Variants in SIPA1L2 observed in about 807,000 individuals in gnomAD.
SIPA1L2 encodes signal induced proliferation associated 1 like 2, also known as signal-induced proliferation-associated 1-like protein 2.
In SIPA1L2, 56 loss-of-function variants were observed where a neutral mutation model predicts 163.9. The ratio of observed to expected loss-of-function variants is 0.34; its 90% CI spans 0.28 to 0.43. SIPA1L2 has a LOEUF of 0.43. SIPA1L2 is among the 20% of genes least tolerant of loss of function. The pLI is 1.00. For missense variants in SIPA1L2, 1,974 were observed against 2,193.5 expected (o/e 0.90, Z 2.00); for synonymous variants, 877 against 865.7 (o/e 1.01, Z -0.23).
At chr1:232,485,659 T>C (rs553044323) in intron 5 of SIPA1L2, among the ~76,000 whole-genome samples, 1 of 152,334 alleles carries the variant, frequency 6.6e-6, no homozygotes, top group Admixed American at 6.5e-5. Context: ...CACCAATTAT[T>C]ACACAGATGT....
intron 1 of SIPA1L2, among the ~76,000 whole-genome samples, chr1:232,575,161 G>A (rs1048744768): frequency 6.6e-6 from 1 of 152,186 alleles, no homozygotes; most frequent in African/African-American, 2.4e-5. Context: ...ACAATGTGGA[G>A]TATACACTTC....
At chr1:232,618,583 G>A (rs1451720467) in intron 1 of SIPA1L2, among the ~76,000 whole-genome samples, 1 of 151,084 alleles carries the variant, frequency 6.6e-6, no homozygotes, top group African/African-American at 2.4e-5. Flanking sequence ...CAACCCAAGA[G>A]TCGGAGGTTG....
intron 7 of SIPA1L2, among the ~76,000 whole-genome samples, chr1:232,474,861 C>G (rs1664962318): frequency 6.6e-6 from 1 of 152,026 alleles, no homozygotes. Flanking sequence ...AAAATGAAAG[C>G]TGAATTAGAC....
chr1:232,610,299 G>C (rs1402734140), intron 1 of SIPA1L2, among the ~76,000 whole-genome samples: 1 of 152,122 alleles, frequency 6.6e-6, no homozygotes, highest in East Asian at 1.9e-4. Context: ...CCACAGAGAA[G>C]GGCTGTGCTA....
chr1:232,462,331 G>A (rs1664283953), intron 9 of SIPA1L2: 1 of 1,542,420 alleles, frequency 6.5e-7, no homozygotes, highest in Admixed American at 2.0e-5. Context: ...GGCAATGTAT[G>A]AAGTTTCAGT....
At chr1:232,613,264 G>A (rs1176915035) in intron 1 of SIPA1L2, among the ~76,000 whole-genome samples, 2 of 152,186 alleles carry the variant, frequency 1.3e-5, no homozygotes, top group Admixed American at 1.3e-4. Flanking sequence ...TTTTGAGTAG[G>A]TGGAAAAGTG....
At chr1:232,630,234 C>T (rs1227735368), upstream of SIPA1L2, among the ~76,000 whole-genome samples, 1 of 151,794 alleles carries the variant, frequency 6.6e-6, no homozygotes, top group East Asian at 1.9e-4. Context: ...CCCCCTCGGC[C>T]CCGCCCCACG....
intron 3 of SIPA1L2, among the ~76,000 whole-genome samples, chr1:232,496,315 T>C (rs1384651067): frequency 6.6e-6 from 1 of 152,216 alleles, no homozygotes; most frequent in African/African-American, 2.4e-5. Flanking sequence ...AGGAGTAATA[T>C]GCAATACCAC....
Position 232,423,451 on chromosome 1 carries a change from C to T in SIPA1L2, c.4630+2138G>A, listed in dbSNP as rs369735944. ...GAAATCAGAAGTCTTTAGGGGAATACACTTCAATACAAATTACCTCCAGTT... is the reference window on the plus strand; with the variant it reads ...GAAATCAGAAGTCTTTAGGGGAATATACTTCAATACAAATTACCTCCAGTT... On this transcript the variant is annotated intron_variant, in intron 18 of 22. Transcript: ENST00000674635. Among the ~76,000 whole-genome samples, 111 of 152,312 alleles carry T rather than the reference C, an allele frequency of 7.3e-4. 1 individual carries two copies. In the South Asian group the frequency reaches 0.021, roughly 29 times the overall value.
chr1:232,437,148 G>A (rs142169857), intron 15 of SIPA1L2, among the ~76,000 whole-genome samples: 1,802 of 152,208 alleles, frequency 0.012, 10 homozygotes, highest in Non-Finnish European at 0.019. Flanking sequence ...ATCAATAAAC[G>A]AATGTACTCT....
At chr1:232,620,054 T>C (rs1381810073) in intron 1 of SIPA1L2, among the ~76,000 whole-genome samples, 2 of 152,132 alleles carry the variant, frequency 1.3e-5, no homozygotes, top group African/African-American at 2.4e-5. Context: ...CTGGCTAATT[T>C]TTGTATTTTT....
chr1:232,482,558 T>TAACAGTCAAA (rs1665416670), intron 6 of SIPA1L2, among the ~76,000 whole-genome samples: 1 of 152,192 alleles, frequency 6.6e-6, no homozygotes, highest in Admixed American at 6.5e-5. Context: ...ACATATAATG[T>TAACAGTCAAA]AACAGTCAAA....
intron 12 of SIPA1L2, among the ~76,000 whole-genome samples, chr1:232,442,202 G>A (rs1662943535): frequency 6.6e-6 from 1 of 151,102 alleles, no homozygotes; most frequent in South Asian, 2.1e-4. Flanking sequence ...GCATTTTTAC[G>A]TTACGCTTAG....
At chr1:232,428,282 A>T in intron 17 of SIPA1L2, 129 bp downstream of exon 17, 1 of 708,660 alleles carries the variant, frequency 1.4e-6, no homozygotes, top group South Asian at 4.9e-5. Flanking sequence ...ATGTGCAGTG[A>T]GTTGTTGGTA....
intron 1 of SIPA1L2, among the ~76,000 whole-genome samples, chr1:232,616,170 C>A (rs137899465): frequency 7.9e-4 from 120 of 152,196 alleles, no homozygotes; most frequent in African/African-American, 2.7e-3. Context: ...TACAGTATAG[C>A]AAAAAGAGCT....
intron 17 of SIPA1L2, among the ~76,000 whole-genome samples, chr1:232,426,169 A>C (rs942423930): frequency 6.6e-6 from 1 of 152,270 alleles, no homozygotes; most frequent in Non-Finnish European, 1.5e-5. Flanking sequence ...TCAAAGCTCC[A>C]CATAATACTG....
At chr1:232,484,419 T>C (rs1200348461) in intron 5 of SIPA1L2, among the ~76,000 whole-genome samples, 2 of 152,222 alleles carry the variant, frequency 1.3e-5, no homozygotes, top group East Asian at 3.8e-4. Context: ...TTTATATATT[T>C]CTTGTAAATA....
intron 10 of SIPA1L2, among the ~76,000 whole-genome samples, chr1:232,449,362 C>T (rs1247756102): frequency 6.6e-6 from 1 of 150,574 alleles, no homozygotes; most frequent in African/African-American, 2.4e-5. Flanking sequence ...ACTAAAAATA[C>T]AAAAAATTGG....
chr1:232,496,920 A>C (rs928322278), intron 3 of SIPA1L2, among the ~76,000 whole-genome samples: 1 of 152,336 alleles, frequency 6.6e-6, no homozygotes, highest in East Asian at 1.9e-4. Flanking sequence ...AAAATACTCA[A>C]TTCTATATTT....
Sources: gnomAD v4.1 joint callset for allele counts (sites outside exome capture counted in the v4.1 genomes callset) on GRCh38, gnomAD v4.1.1 for gene constraint, MANE v1.5 for transcripts, NCBI Gene and HGNC (gene_info 2026-07-23, HGNC 2026-07-21) for gene names.